Variants in ROBO1 observed in about 807,000 individuals in gnomAD.
The protein encoded by ROBO1 is roundabout homolog 1.
ROBO1 carries 149 observed loss-of-function variants against 195.9 expected under a neutral mutation model. That is an observed-to-expected ratio of 0.76 (90% confidence interval 0.67 to 0.87). The LOEUF (loss-of-function observed/expected upper bound fraction) is 0.87. Ranked by LOEUF, ROBO1 falls within the 40% of genes least tolerant of loss-of-function variation. The probability of loss-of-function intolerance (pLI) is 0.00; values close to 1 mark genes in which losing one functional copy is unlikely to be tolerated. For synonymous variants in ROBO1, 816 were observed against 733.2 expected (o/e 1.11, Z -1.82); for missense variants, 1,933 against 2,068.3 (o/e 0.93, Z 1.27).
At chr3:78,601,654 T>C (rs1166032350) in intron 29 of ROBO1, among the ~76,000 whole-genome samples, 9 of 152,218 alleles carry the variant, frequency 5.9e-5, no homozygotes, top group Non-Finnish European at 1.0e-4. Flanking sequence ...CAACACCTTC[T>C]TTCTTTCCTC....
chr3:79,448,599 T>G (rs2107180657), intron 2 of ROBO1, among the ~76,000 whole-genome samples: 1 of 152,298 alleles, frequency 6.6e-6, no homozygotes, highest in East Asian at 1.9e-4. Context: ...CCCACATTTG[T>G]ATTTCTGGAG....
intron 4 of ROBO1, among the ~76,000 whole-genome samples, chr3:78,788,054 C>T: frequency 1.3e-5 from 2 of 150,418 alleles, no homozygotes. Flanking sequence ...ATTCTCCTGC[C>T]TCAGCCTCCC....
At chr3:78,833,209 A>T (rs1481939105) in intron 4 of ROBO1, among the ~76,000 whole-genome samples, 1 of 152,098 alleles carries the variant, frequency 6.6e-6, no homozygotes, top group Non-Finnish European at 1.5e-5. Context: ...GGCAATGAAA[A>T]ATAAGGATGA....
intron 2 of ROBO1, among the ~76,000 whole-genome samples, chr3:79,158,616 T>C (rs542572930): frequency 6.6e-6 from 1 of 151,888 alleles, no homozygotes; most frequent in South Asian, 2.1e-4. Context: ...TGTATTTTGT[T>C]GTAAGGAGTG....
intron 2 of ROBO1, among the ~76,000 whole-genome samples, chr3:79,173,673 A>C (rs1332901266): frequency 6.6e-6 from 1 of 152,086 alleles, no homozygotes; most frequent in South Asian, 2.1e-4. Flanking sequence ...CACGGTGCCC[A>C]GTCCCACCGA....
At chr3:79,323,401 T>C (rs192219876) in intron 2 of ROBO1, among the ~76,000 whole-genome samples, 3 of 152,258 alleles carry the variant, frequency 2.0e-5, no homozygotes, top group Non-Finnish European at 2.9e-5. Context: ...ATTTTAATGG[T>C]AGTATAATGT....
chr3:79,041,765 C>T (rs2078491785), intron 3 of ROBO1, among the ~76,000 whole-genome samples: 1 of 152,128 alleles, frequency 6.6e-6, no homozygotes, highest in South Asian at 2.1e-4. Context: ...CTGTTAACCT[C>T]TCTGTGGTCT....
intron 8 of ROBO1, among the ~76,000 whole-genome samples, chr3:78,695,002 A>G (rs977902148): frequency 4.6e-5 from 7 of 151,806 alleles, no homozygotes; most frequent in East Asian, 1.9e-4. Flanking sequence ...ACTGGAAAGC[A>G]CCTAATTTAA....
chr3:78,887,904 T>C (rs771925228), intron 4 of ROBO1, among the ~76,000 whole-genome samples: 3 of 152,056 alleles, frequency 2.0e-5, no homozygotes, highest in African/African-American at 4.8e-5. Context: ...CCAAGTATGA[T>C]ACTCAGCATC....
intron 1 of ROBO1, among the ~76,000 whole-genome samples, chr3:79,606,574 A>C (rs1944492620): frequency 6.6e-6 from 1 of 151,918 alleles, no homozygotes; most frequent in Non-Finnish European, 1.5e-5. Flanking sequence ...CACTGTGCCC[A>C]GCCATTTATG....
intron 2 of ROBO1, among the ~76,000 whole-genome samples, chr3:79,324,235 AG>A (rs1248509409): frequency 3.0e-4 from 46 of 152,302 alleles, no homozygotes; most frequent in African/African-American, 1.1e-3. Flanking sequence ...ATTAATGTGG[AG>A]AGTTTGGTAA....
rs1312486819 is a variant in ROBO1 at position 79,456,544 on chromosome 3, CT to C, written c.88+133279del. ...ATCAATAGTTTTATTCTGTTATCTC[CT>C]ATTTTTATTTTGAGTTGATTGCTGT... On this transcript the variant is annotated intron_variant, in intron 2 of 30. Coordinates refer to ENST00000464233, the MANE Select transcript of ROBO1 (RefSeq NM_002941.4). 3.9e-5 allele frequency among the ~76,000 whole-genome samples: 6 copies of C among 152,200 alleles called. No homozygotes were observed. The South Asian group carries it at 1.2e-3, about 32-fold the overall frequency.
intron 8 of ROBO1, among the ~76,000 whole-genome samples, chr3:78,704,173 C>G (rs991704309): frequency 1.3e-5 from 2 of 152,140 alleles, no homozygotes; most frequent in African/African-American, 4.8e-5. Context: ...CGTTAATGGT[C>G]AGAAACAATG....
chr3:79,248,104 C>T (rs879595440), intron 2 of ROBO1, among the ~76,000 whole-genome samples: 2 of 151,950 alleles, frequency 1.3e-5, no homozygotes, highest in Non-Finnish European at 2.9e-5. Flanking sequence ...TGGGAGGAAA[C>T]TTTGGATAGA....
intron 2 of ROBO1, among the ~76,000 whole-genome samples, chr3:79,411,107 C>T (rs545962926): frequency 4.6e-5 from 7 of 152,238 alleles, no homozygotes; most frequent in African/African-American, 1.7e-4. Flanking sequence ...TATAGATAGA[C>T]ATAGGACTTC....
intron 3 of ROBO1, among the ~76,000 whole-genome samples, chr3:78,950,187 T>G (rs2040694064): frequency 6.6e-6 from 1 of 152,108 alleles, no homozygotes; most frequent in African/African-American, 2.4e-5. Context: ...TTATAAATCA[T>G]GCTGCTATAA....
chr3:78,602,597 T>TA lies in ROBO1; in HGVS notation c.4745-2289dup, dbSNP rs1703241822. Among the ~76,000 whole-genome samples, 4 of 152,318 alleles carry TA rather than the reference T, an allele frequency of 2.6e-5. No individual in the cohort carries two copies. The South Asian group carries it at 6.2e-4, about 24-fold the overall frequency. On this transcript the variant is annotated intron_variant, in intron 29 of 30. Transcript: ENST00000464233. Reference sequence around the variant, plus strand: ...AACCCTTTCTAAAATATAACTGTCATAAGGGGAGGTATTTTGTATGCTTTG... The same window carrying TA: ...AACCCTTTCTAAAATATAACTGTCATAAAGGGGAGGTATTTTGTATGCTTTG...
At chr3:78,707,822 C>T (rs1279670575) in intron 8 of ROBO1, among the ~76,000 whole-genome samples, 2 of 152,244 alleles carry the variant, frequency 1.3e-5, no homozygotes, top group Middle Eastern at 3.4e-3. Flanking sequence ...GACTGGCTGG[C>T]CCTGCACTCA....
intron 2 of ROBO1, among the ~76,000 whole-genome samples, chr3:79,465,000 A>G (rs1937881026): frequency 6.6e-6 from 1 of 152,168 alleles, no homozygotes; most frequent in Non-Finnish European, 1.5e-5. Context: ...TCCTTAAAGA[A>G]TGTGTGACAT....
Sources: allele counts gnomAD v4.1 joint callset (sites outside exome capture counted in the v4.1 genomes callset), GRCh38; gene constraint gnomAD v4.1.1; transcripts MANE v1.5; gene names NCBI Gene and HGNC (gene_info 2026-07-23, HGNC 2026-07-21).